Variants in AUTS2 observed in about 807,000 individuals in gnomAD.
AUTS2 encodes the protein autism susceptibility gene 2 protein.
A neutral mutation model predicts 112.4 loss-of-function variants in AUTS2; 17 were observed. The ratio of observed to expected loss-of-function variants is 0.15; its 90% confidence interval spans 0.10 to 0.23. The LOEUF (loss-of-function observed/expected upper bound fraction) is 0.23, where lower values mean the gene tolerates loss of function less well. Ranked by LOEUF, AUTS2 falls within the 10% of genes least tolerant of loss-of-function variation. The pLI is 1.00. For synonymous variants in AUTS2, 751 were observed against 702.7 expected (o/e 1.07, Z -1.09); for missense variants, 1,510 against 1,701.6 (o/e 0.89, Z 1.98).
intron 5 of AUTS2, among the ~76,000 whole-genome samples, chr7:70,552,320 T>C (rs1295807370): frequency 6.6e-6 from 1 of 152,220 alleles, no homozygotes; most frequent in Non-Finnish European, 1.5e-5. Context: ...AGAACCTGTT[T>C]GCATGTTTGT....
chr7:69,900,001 GGT>G (rs1794908277), intron 2 of AUTS2, among the ~76,000 whole-genome samples: 1 of 152,134 alleles, frequency 6.6e-6, no homozygotes, highest in Non-Finnish European at 1.5e-5. Context: ...TTTGCCTTTT[GGT>G]GTCTTAGTTG....
chr7:70,732,329 A>T (rs1787464696), intron 6 of AUTS2, among the ~76,000 whole-genome samples: 1 of 152,180 alleles, frequency 6.6e-6, no homozygotes, highest in Admixed American at 6.5e-5. Context: ...AGGATTCCTC[A>T]CATGGAGAAG....
At chr7:70,117,814 T>C (rs1292697885) in intron 2 of AUTS2, among the ~76,000 whole-genome samples, 1 of 151,730 alleles carries the variant, frequency 6.6e-6, no homozygotes, top group African/African-American at 2.4e-5. Context: ...ACTGGTGCAA[T>C]CTCAGCTCGC....
chr7:69,887,277 A>G (rs997283410), intron 1 of AUTS2, among the ~76,000 whole-genome samples: 1 of 151,958 alleles, frequency 6.6e-6, no homozygotes, highest in Non-Finnish European at 1.5e-5. Context: ...TTAGCCGGGC[A>G]TGGTGATGTA....
At position 70,730,829 on chromosome 7, in the gene AUTS2, C is replaced by T. The variant is rs1362349838; in HGVS notation, c.743-32041C>T. On this transcript the variant is annotated intron_variant, in intron 6 of 18. Transcript: ENST00000342771. ...GTTAGCCTTTTGAGGAACTGCCAGACGGTTCTCCAAAGTGACTGCTCAGTT... is the reference window on the plus strand; with the variant it reads ...GTTAGCCTTTTGAGGAACTGCCAGATGGTTCTCCAAAGTGACTGCTCAGTT... 3.3e-5 allele frequency among the ~76,000 whole-genome samples: 5 copies of T among 152,202 alleles called. No individual in the cohort carries two copies. The East Asian group carries it at 5.8e-4, about 18-fold the overall frequency.
chr7:70,291,315 A>T (rs934141346), intron 4 of AUTS2: 2 of 152,216 alleles, frequency 1.3e-5, no homozygotes, highest in African/African-American at 4.8e-5. Context: ...CATAGCTTTC[A>T]AAAAGGCATT....
chr7:70,603,970 G>T (rs970830673), intron 5 of AUTS2, among the ~76,000 whole-genome samples: 2 of 152,128 alleles, frequency 1.3e-5, no homozygotes, highest in Non-Finnish European at 2.9e-5. Context: ...GCTTGGCAAG[G>T]TGATTTTGTC....
intron 1 of AUTS2, among the ~76,000 whole-genome samples, chr7:69,861,858 G>A (rs1584354826): frequency 6.6e-6 from 1 of 152,178 alleles, no homozygotes; most frequent in Non-Finnish European, 1.5e-5. Context: ...TCCCGTCTCA[G>A]AAGATGGCAG....
intron 2 of AUTS2, among the ~76,000 whole-genome samples, chr7:69,990,109 A>C (rs1798684010): frequency 6.6e-6 from 1 of 152,232 alleles, no homozygotes; most frequent in Admixed American, 6.5e-5. Context: ...ACAAAGTTGC[A>C]GTCTGAATTT....
At chr7:69,699,060 C>A (rs1300769509) in intron 1 of AUTS2, among the ~76,000 whole-genome samples, 1 of 152,030 alleles carries the variant, frequency 6.6e-6, no homozygotes, top group African/African-American at 2.4e-5. Flanking sequence ...CGAGGTGTGT[C>A]ATAGGAAGCA....
chr7:69,985,477 T>C (rs1371266473), intron 2 of AUTS2, among the ~76,000 whole-genome samples: 1 of 152,128 alleles, frequency 6.6e-6, no homozygotes, highest in African/African-American at 2.4e-5. Flanking sequence ...AAAACACAGG[T>C]TACATTATAG....
chr7:69,725,132 G>T (rs1490164370), intron 1 of AUTS2, among the ~76,000 whole-genome samples: 1 of 152,122 alleles, frequency 6.6e-6, no homozygotes, highest in Non-Finnish European at 1.5e-5. Flanking sequence ...CTCTGGCCTG[G>T]TTTTGTTCTC....
At chr7:69,941,155 C>T (rs1384457019) in intron 2 of AUTS2, among the ~76,000 whole-genome samples, 1 of 152,160 alleles carries the variant, frequency 6.6e-6, no homozygotes, top group African/African-American at 2.4e-5. Context: ...GAGGTCGACC[C>T]TCTCGATGTG....
intron 5 of AUTS2, among the ~76,000 whole-genome samples, chr7:70,454,061 G>A (rs937060690): frequency 2.0e-5 from 3 of 152,124 alleles, no homozygotes; most frequent in African/African-American, 4.8e-5. Context: ...GTGGGTTGGC[G>A]TTGTGCTGTC....
At chr7:69,997,865 C>T (rs1372893804) in intron 2 of AUTS2, among the ~76,000 whole-genome samples, 1 of 152,134 alleles carries the variant, frequency 6.6e-6, no homozygotes, top group African/African-American at 2.4e-5. Flanking sequence ...TGCAGGTTGA[C>T]ATTATAAATT....
At chr7:69,991,250 C>A (rs999212988) in intron 2 of AUTS2, among the ~76,000 whole-genome samples, 1 of 152,172 alleles carries the variant, frequency 6.6e-6, no homozygotes, top group African/African-American at 2.4e-5. Flanking sequence ...TAAAATGATT[C>A]AAGGTCCAGG....
At chr7:69,702,029 C>T (rs913407235) in intron 1 of AUTS2, among the ~76,000 whole-genome samples, 2 of 152,212 alleles carry the variant, frequency 1.3e-5, no homozygotes, top group Admixed American at 1.3e-4. Flanking sequence ...CTAGAAGGAA[C>T]ATGAGATCAG....
In AUTS2 at chr7:70,708,539, A is replaced by G. The variant is rs573918541; in HGVS notation, c.742+9919A>G. Among the ~76,000 whole-genome samples, 3 of 152,294 alleles carry G rather than the reference A, an allele frequency of 2.0e-5. No individual in the cohort carries two copies. In the South Asian group the frequency reaches 6.2e-4, roughly 32 times the overall value. ...TGACCAGAAGAGTAAAAGAGTTTAA[A>G]TGTATTTTGAAATGTTTTTCAAGTG... On this transcript the variant is annotated intron_variant, in intron 6 of 18. Transcript: ENST00000342771.
At chr7:70,381,777 TC>T in intron 4 of AUTS2, among the ~76,000 whole-genome samples, 1 of 152,182 alleles carries the variant, frequency 6.6e-6, no homozygotes. Flanking sequence ...CACATTGACT[TC>T]CTCCTGCTCC....
Sources: gnomAD v4.1 joint callset for allele counts (sites outside exome capture counted in the v4.1 genomes callset) on GRCh38, gnomAD v4.1.1 for gene constraint, MANE v1.5 for transcripts, NCBI Gene and HGNC (gene_info 2026-07-23, HGNC 2026-07-21) for gene names.